Variants in TPTE2 observed in about 807,000 individuals in gnomAD.
TPTE2 encodes the protein transmembrane phosphoinositide 3-phosphatase and tensin homolog 2, also known as phosphatidylinositol 3,4,5-trisphosphate 3-phosphatase TPTE2.
TPTE2 carries 53 observed loss-of-function variants against 78.6 expected under a neutral mutation model. The observed-to-expected ratio is 0.67, with a 90% CI of 0.54 to 0.85. The LOEUF is 0.85. Ranked by LOEUF, TPTE2 falls within the 40% of genes least tolerant of loss-of-function variation. The pLI, the probability that TPTE2 is intolerant of heterozygous loss-of-function variation, is 0.00. For synonymous variants in TPTE2, 175 were observed against 206.2 expected, an observed-to-expected ratio of 0.85 and a Z score of 1.30; for missense variants, 461 against 623.0, an observed-to-expected ratio of 0.74 and a Z score of 2.77.
intron 6 of TPTE2, among the ~76,000 whole-genome samples, chr13:19,469,694 T>A (rs957024205): frequency 1.3e-5 from 2 of 152,178 alleles, no homozygotes; most frequent in African/African-American, 4.8e-5. Context: ...CCTCTTCAAT[T>A]TCTTTCATCA....
intron 13 of TPTE2, among the ~76,000 whole-genome samples, chr13:19,449,474 TAGAC>T (rs1196803858): frequency 6.6e-6 from 1 of 152,154 alleles, no homozygotes; most frequent in South Asian, 2.1e-4. Context: ...AAATTTCAGT[TAGAC>T]AGGAAGAATA....
chr13:19,521,371 T>A (rs1198596847), intron 1 of TPTE2, among the ~76,000 whole-genome samples: 2 of 152,034 alleles, frequency 1.3e-5, no homozygotes, highest in Non-Finnish European at 2.9e-5. Context: ...TCTGCTTTTT[T>A]ATCATGATTC....
intron 19 of TPTE2, 39 bp from the exon 23 acceptor site, chr13:19,423,203 C>T (rs1219537511): frequency 2.0e-6 from 3 of 1,534,402 alleles, no homozygotes; most frequent in Middle Eastern, 1.9e-4. Context: ...TATATTGGGG[C>T]TCACCAAAAA....
intron 1 of TPTE2, among the ~76,000 whole-genome samples, chr13:19,509,424 C>T (rs947927679): frequency 6.6e-5 from 10 of 151,984 alleles, no homozygotes; most frequent in Non-Finnish European, 1.3e-4. Flanking sequence ...ATACAATGTA[C>T]AAGAAGGGAG....
At chr13:19,426,663 C>A (rs1193414642) in intron 17 of TPTE2, 146 bp from the exon 21 acceptor site, 3 of 532,038 alleles carry the variant, frequency 5.6e-6, no homozygotes, top group African/African-American at 1.9e-5. Context: ...TATTAATAAT[C>A]TTTTCTAGTT....
the TPTE2 span, among the ~76,000 whole-genome samples, chr13:19,559,261 T>G: frequency 6.6e-6 from 1 of 152,220 alleles, no homozygotes; most frequent in African/African-American, 2.4e-5. Flanking sequence ...TATATATATT[T>G]TTTCTCATTA....
chr13:19,488,366 C>T (rs939152615), intron 3 of TPTE2, among the ~76,000 whole-genome samples: 4 of 152,216 alleles, frequency 2.6e-5, no homozygotes, highest in Non-Finnish European at 4.4e-5. Flanking sequence ...TGAAAGCATG[C>T]GTTGACTTCT....
chr13:19,464,647 A>G, intron 9 of TPTE2, 127 bp from the exon 13 acceptor site: 4 of 933,082 alleles, frequency 4.3e-6, no homozygotes, highest in South Asian at 3.5e-5. Flanking sequence ...AGGTTGACAG[A>G]AAAGAGCTAA....
intron 1 of TPTE2, among the ~76,000 whole-genome samples, chr13:19,520,984 T>G (rs999774117): frequency 1.3e-5 from 2 of 152,164 alleles, no homozygotes; most frequent in Admixed American, 1.3e-4. Context: ...CTTTTAAAAT[T>G]TATTGAGAGT....
chr13:19,451,843 G>GTGTGTGTGTGTA lies in TPTE2; in HGVS notation c.742-619_742-618insTACACACACACA, dbSNP rs1555249617. ...TGTGTGTGTGTGTGTGTGTGTGTGT[G>GTGTGTGTGTGTA]TATATATGTATAACCTTTAAAATGA... On this transcript the variant is annotated intron_variant, in intron 10 of 19. Transcript: ENST00000400230. 3.4e-5 allele frequency among the ~76,000 whole-genome samples: 5 copies of GTGTGTGTGTGTA among 147,134 alleles called. No individual in the cohort carries two copies. The East Asian group carries it at 6.0e-4, about 18-fold the overall frequency.
rs372282692 is a variant in TPTE2 at position 19,465,460 on chromosome 13, C to T, written c.612+5G>A. On this transcript the variant is annotated splice_donor_5th_base_variant and intron_variant, in intron 8 of 19. Transcript: ENST00000400230. The stretch of plus-strand genomic sequence containing the variant: ...CTGAATCATAAGCATGTTTTGCCCA[C>T]TTACCAGCCTTCTCATCAGCTTTTC... 346 of 1,607,990 alleles carry T rather than the reference C, an allele frequency of 2.2e-4. No individual in the cohort carries two copies. Among genetic ancestry groups the T allele is most frequent in the Non-Finnish European group, 2.8e-4 (326 of 1,178,490 alleles).
At chr13:19,548,844 T>C in the TPTE2 span, among the ~76,000 whole-genome samples, 94,315 of 147,152 alleles carry the variant, frequency 0.64, 32,089 homozygotes, top group East Asian at 0.88. Context: ...GTAGGCCAGG[T>C]GCGGTGACTT....
intron 3 of TPTE2, among the ~76,000 whole-genome samples, chr13:19,487,384 T>C (rs1880724966): frequency 6.6e-6 from 1 of 152,026 alleles, no homozygotes; most frequent in South Asian, 2.1e-4. Context: ...CAGGAGCATG[T>C]CTGTGGTGGA....
intron 12 of TPTE2, 39 bp downstream of exon 15, chr13:19,450,224 T>A (rs1347447627): frequency 6.2e-7 from 1 of 1,610,618 alleles, no homozygotes; most frequent in Non-Finnish European, 8.5e-7. Context: ...CCCAATATAT[T>A]TAGCCCTCTT....
rs987054369 is a variant in TPTE2 at position 19,461,869 on chromosome 13, A to T, written c.741+2587T>A. On this transcript the variant is annotated intron_variant, in intron 10 of 19. Transcript: ENST00000400230. ...CTGGAATATTTTCTTCTATCCCTTC[A>T]CTTCCAGTCTGTATGAACCTTTACA... Among the ~76,000 whole-genome samples, 65 of 149,054 alleles carry T rather than the reference A, an allele frequency of 4.4e-4. 1 individual carries two copies. Among genetic ancestry groups the T allele is most frequent in the Admixed American group, 3.9e-3 (59 of 15,006 alleles).
chr13:19,536,144 A>G (rs1871200454), intron 1 of TPTE2, among the ~76,000 whole-genome samples: 1 of 151,718 alleles, frequency 6.6e-6, no homozygotes. Context: ...TCTAGATAAC[A>G]TGCTCTTTGT....
the TPTE2 span, among the ~76,000 whole-genome samples, chr13:19,544,091 AAG>A: frequency 7.1e-6 from 1 of 141,032 alleles, no homozygotes; most frequent in African/African-American, 2.5e-5. Context: ...AAGCCAAGAA[AAG>A]AGAGAAATGA....
chr13:19,511,614 G>T (rs1400272992), intron 1 of TPTE2, among the ~76,000 whole-genome samples: 1 of 152,086 alleles, frequency 6.6e-6, no homozygotes, highest in African/African-American at 2.4e-5. Flanking sequence ...CCAGGGCTGG[G>T]GAAATGCTCA....
At chr13:19,447,124 G>A (rs1179185468) in intron 13 of TPTE2, among the ~76,000 whole-genome samples, 1 of 151,982 alleles carries the variant, frequency 6.6e-6, no homozygotes, top group East Asian at 1.9e-4. Context: ...GTAACCTGCA[G>A]GCAGCAACCA....
Sources: gnomAD v4.1 joint callset for allele counts (sites outside exome capture counted in the v4.1 genomes callset) on GRCh38, gnomAD v4.1.1 for gene constraint, MANE v1.5 for transcripts, NCBI Gene and HGNC (gene_info 2026-07-23, HGNC 2026-07-21) for gene names.